Variants in SCML4 observed in about 807,000 individuals in gnomAD.
The protein encoded by SCML4 is Scm polycomb group protein like 4.
SCML4 carries 34 observed loss-of-function variants against 41.1 expected under a neutral mutation model. That is an observed-to-expected ratio of 0.83 (90% confidence interval 0.63 to 1.10). The LOEUF (loss-of-function observed/expected upper bound fraction) is 1.10, where lower values mean the gene tolerates loss of function less well. Among genes scored for constraint, SCML4 ranks in the 50% least tolerant of loss-of-function variants. The pLI is 0.00. For missense variants in SCML4, 522 were observed against 534.1 expected (o/e 0.98, Z 0.22); for synonymous variants, 214 against 220.9 (o/e 0.97, Z 0.28).
Position 107,747,821 on chromosome 6 carries a change from T to C in SCML4, c.287-932A>G, listed in dbSNP as rs117699860. Among the ~76,000 whole-genome samples the C allele has an allele frequency of 4.4e-3, 663 of 152,304 alleles. 11 individuals are homozygous for C. In the East Asian group the frequency reaches 0.064, roughly 15 times the overall value. The stretch of plus-strand genomic sequence containing the variant: ...TTATCATCAGTAAAATTAGCTCAGT[T>C]AGTTGGGTGAGGGATTCAGACCTAG... On this transcript the variant is annotated intron_variant, in intron 3 of 7. Coordinates refer to ENST00000369020, the MANE Select transcript of SCML4 (RefSeq NM_198081.5).
At chr6:107,828,317 G>A (rs1785314043), upstream of SCML4, among the ~76,000 whole-genome samples, 1 of 152,192 alleles carries the variant, frequency 6.6e-6, no homozygotes, top group African/African-American at 2.4e-5. Flanking sequence ...CACGGGACAA[G>A]GAAATAAGGG....
intron 1 of SCML4, among the ~76,000 whole-genome samples, chr6:107,813,429 T>C (rs1460116307): frequency 1.8e-5 from 2 of 111,820 alleles, no homozygotes; most frequent in East Asian, 2.5e-4. Context: ...TATATAAAAC[T>C]GTAAAATTAA....
At chr6:107,781,904 C>T (rs1024622989) in intron 1 of SCML4, among the ~76,000 whole-genome samples, 2 of 152,188 alleles carry the variant, frequency 1.3e-5, no homozygotes, top group Non-Finnish European at 2.9e-5. Flanking sequence ...AGGAGCTCCT[C>T]AGGTCCTAGT....
chr6:107,795,488 TC>T (rs1782638989), intron 1 of SCML4, among the ~76,000 whole-genome samples: 1 of 152,192 alleles, frequency 6.6e-6, no homozygotes, highest in East Asian at 1.9e-4. Flanking sequence ...CGTAACTCAT[TC>T]CCTAATCAAA....
intron 1 of SCML4, among the ~76,000 whole-genome samples, chr6:107,802,359 C>G (rs1783205095): frequency 6.6e-6 from 1 of 152,108 alleles, no homozygotes; most frequent in Admixed American, 6.6e-5. Context: ...CTTCAAGGAA[C>G]TTAAAGCTAT....
chr6:107,790,158 G>A (rs1254201580), intron 1 of SCML4, among the ~76,000 whole-genome samples: 1 of 152,128 alleles, frequency 6.6e-6, no homozygotes, highest in East Asian at 1.9e-4. Context: ...GAGGTGGGTG[G>A]GAGATGTTGC....
At chr6:107,723,803 A>G (rs1775674043) in intron 5 of SCML4, among the ~76,000 whole-genome samples, 1 of 152,204 alleles carries the variant, frequency 6.6e-6, no homozygotes, top group African/African-American at 2.4e-5. Context: ...TCTATGGCAA[A>G]TACTTCTACG....
rs1782113041 is a variant in SCML4, at chr6:107,788,945, GA to G, written c.-59-16560del. Among the ~76,000 whole-genome samples the G allele has an allele frequency of 2.0e-5, 3 of 152,294 alleles. No homozygotes were observed. The South Asian group carries it at 6.2e-4, about 32-fold the overall frequency. ...CAGTGTGTGTTTCCCTGACTTACAGGAAAGAAGACAAAATGCAGCCTAATTT... is the reference window on the plus strand; with the variant it reads ...CAGTGTGTGTTTCCCTGACTTACAGGAAGAAGACAAAATGCAGCCTAATTT... On this transcript the variant is annotated intron_variant, in intron 1 of 7. Transcript: ENST00000369020.
intron 1 of SCML4, among the ~76,000 whole-genome samples, chr6:107,820,189 T>G (rs2114308548): frequency 6.6e-6 from 1 of 152,328 alleles, no homozygotes; most frequent in East Asian, 1.9e-4. Flanking sequence ...GCCACGTCTC[T>G]TGGCTGAGAG....
chr6:107,707,920 C>A lies in SCML4; in HGVS notation c.1065G>T (p.Val355=), dbSNP rs370704862. The A allele has an allele frequency of 5.2e-5, 81 of 1,551,600 alleles. No individual in the cohort carries two copies. Among genetic ancestry groups the A allele is most frequent in the Non-Finnish European group, 6.6e-5 (76 of 1,146,992 alleles). ...AWTVEDVVWF[V]KDADPQALGP... ...CCAGAGCCTGTGGGTCGGCGTCCTT[C>A]ACAAACCACACCACGTCCTCCACAG... Residue 355 remains valine, a synonymous_variant, in exon 7 of 8, where the codon GTG becomes GTT. Coordinates refer to ENST00000369020, the MANE Select transcript of SCML4 (RefSeq NM_198081.5).
chr6:107,712,779 G>C (rs1347971858), intron 6 of SCML4, among the ~76,000 whole-genome samples: 1 of 152,146 alleles, frequency 6.6e-6, no homozygotes, highest in East Asian at 1.9e-4. Flanking sequence ...AAATACACTA[G>C]CCACTCCCTC....
At chr6:107,715,005 C>T (rs1253048439) in intron 6 of SCML4, among the ~76,000 whole-genome samples, 2 of 150,032 alleles carry the variant, frequency 1.3e-5, no homozygotes, top group South Asian at 2.1e-4. Flanking sequence ...GATGAAGTCC[C>T]GCTTTGTCAT....
chr6:107,799,757 T>C (rs1326907150), intron 1 of SCML4, among the ~76,000 whole-genome samples: 2 of 152,166 alleles, frequency 1.3e-5, no homozygotes, highest in Admixed American at 1.3e-4. Context: ...GGCTAATCTG[T>C]TGCTAACCCC....
At chr6:107,793,919 A>T (rs1782525413) in intron 1 of SCML4, among the ~76,000 whole-genome samples, 1 of 152,202 alleles carries the variant, frequency 6.6e-6, no homozygotes, top group Non-Finnish European at 1.5e-5. Flanking sequence ...AGCCTGGGCG[A>T]CAGAGTGTGA....
At chr6:107,722,316 C>T (rs908555987) in intron 5 of SCML4, among the ~76,000 whole-genome samples, 32 of 151,472 alleles carry the variant, frequency 2.1e-4, no homozygotes, top group African/African-American at 7.5e-4. Context: ...CACCTGTGGC[C>T]GAATGGTGGG....
chr6:107,758,652 A>G (rs1779300638), intron 2 of SCML4, among the ~76,000 whole-genome samples: 1 of 152,200 alleles, frequency 6.6e-6, no homozygotes, highest in African/African-American at 2.4e-5. Flanking sequence ...GTTTAGAGAG[A>G]ATGCTATGTG....
Position 107,707,910 on chromosome 6 carries a change from C to T in SCML4, c.1075G>A (p.Asp359Asn), listed in dbSNP as rs933759398. Residue 359 changes from aspartate (D) to asparagine (N), a missense_variant, in exon 7 of 8, where the codon GAC becomes AAC. Physicochemically the swap from Asp to Asn is conservative, Grantham distance 23 (BLOSUM62 1). Transcript: ENST00000369020. ...EDVVWFVKDA[D>N]PQALGPHVEL... The stretch of plus-strand genomic sequence containing the variant: ...ACGTGAGGCCCCAGAGCCTGTGGGT[C>T]GGCGTCCTTCACAAACCACACCACG... The T allele has an allele frequency of 1.2e-5, 19 of 1,551,580 alleles. No homozygotes were observed. Among genetic ancestry groups the T allele is most frequent in the South Asian group, 2.4e-5 (2 of 84,066 alleles).
intron 2 of SCML4, among the ~76,000 whole-genome samples, chr6:107,766,963 T>G (rs866534361): frequency 6.6e-6 from 1 of 151,650 alleles, no homozygotes; most frequent in Non-Finnish European, 1.5e-5. Flanking sequence ...TTTTTTTTTT[T>G]TTTTTTGAGA....
chr6:107,811,760 G>A (rs1052823472), intron 1 of SCML4, among the ~76,000 whole-genome samples: 49 of 152,166 alleles, frequency 3.2e-4, no homozygotes, highest in Non-Finnish European at 5.3e-4. Context: ...CACAGAGTGC[G>A]CAGTGGGGAA....
Sources: gnomAD v4.1 joint callset for allele counts (sites outside exome capture counted in the v4.1 genomes callset) on GRCh38, gnomAD v4.1.1 for gene constraint, MANE v1.5 for transcripts, NCBI Gene and HGNC (gene_info 2026-07-23, HGNC 2026-07-21) for gene names.